Variants in GNAS-AS1 observed in about 807,000 individuals in gnomAD.
GNAS-AS1 encodes GNAS antisense RNA 1 (non-protein coding).
intron 4 of GNAS-AS1, among the ~76,000 whole-genome samples, chr20:58,821,571 A>T (rs2085487544): frequency 6.6e-6 from 1 of 152,210 alleles, no homozygotes; most frequent in Non-Finnish European, 1.5e-5. Flanking sequence ...TAAATCAGTA[A>T]GAGGAAGGGC....
rs544654298 is a variant in GNAS-AS1, at chr20:58,821,862, G to T, written n.820-2607C>A. On this transcript the variant is annotated intron_variant and non_coding_transcript_variant, in intron 4 of 4. Transcript: ENST00000424094. ...ACGGATTAACTCAGGGGCCGCCTGA[G>T]GCCCACAACAGCCCCAACAGAAACT... Among the ~76,000 whole-genome samples, 7 of 152,222 alleles carry T rather than the reference G, an allele frequency of 4.6e-5. No homozygotes were observed. In the South Asian group the frequency reaches 8.3e-4, roughly 18 times the overall value.
chr20:58,832,814 C>T (rs1282599260), intron 4 of GNAS-AS1, among the ~76,000 whole-genome samples: 1 of 152,232 alleles, frequency 6.6e-6, no homozygotes, highest in Non-Finnish European at 1.5e-5. Flanking sequence ...ATGAAGATTT[C>T]CTGACAGCAT....
At position 58,841,922 on chromosome 20, in the gene GNAS-AS1, A is replaced by G; in HGVS notation, n.819+15T>C. 1.6e-5 allele frequency: 19 copies of G among 1,212,314 alleles called. No individual in the cohort carries two copies. The highest frequency in any genetic ancestry group is 1.9e-5 in the Non-Finnish European group (18 of 970,244). The allele number at this position is 1,212,314 out of a possible 1,614,324, so 75.1% of individuals were successfully genotyped here. A position where few individuals can be genotyped will look rare whatever the true frequency, so the allele number is the denominator to read the frequency against. ...GCTGGAGACGGGGGTCGCGTCTAAC[A>G]TCAGGATAACTTACAATTCGTTTCC... On this transcript the variant is annotated intron_variant and non_coding_transcript_variant, in intron 4 of 4. Coordinates refer to ENST00000424094, the Ensembl canonical transcript of GNAS-AS1. The surrounding 1 kb of genome is among the most constrained non-coding windows in gnomAD (Gnocchi z 5.0).
intron 4 of GNAS-AS1, among the ~76,000 whole-genome samples, chr20:58,828,962 C>A (rs548569582): frequency 7.4e-6 from 1 of 134,824 alleles, no homozygotes; most frequent in Non-Finnish European, 1.6e-5. Context: ...CTGGCCCCAC[C>A]GCCCCACTCA....
chr20:58,850,084 A>G (rs2086097100), intron 1 of GNAS-AS1, among the ~76,000 whole-genome samples: 1 of 151,764 alleles, frequency 6.6e-6, no homozygotes, highest in Admixed American at 6.6e-5. Flanking sequence ...CATGTTTCCT[A>G]CCATTAAATC....
chr20:58,829,888 C>T (rs555244078), intron 4 of GNAS-AS1, among the ~76,000 whole-genome samples: 1 of 152,212 alleles, frequency 6.6e-6, no homozygotes, highest in African/African-American at 2.4e-5. Flanking sequence ...TCACTGCATG[C>T]ATTCACCATT....
chr20:58,847,366 G>A (rs1054373265), intron 2 of GNAS-AS1, among the ~76,000 whole-genome samples: 11 of 152,160 alleles, frequency 7.2e-5, no homozygotes, highest in Admixed American at 7.2e-4. Context: ...TCTGCAGATA[G>A]CAGTATGCTG....
chr20:58,819,060 T>C (rs952387819), exon 5 of GNAS-AS1: 6 of 398,520 alleles, frequency 1.5e-5, no homozygotes, highest in African/African-American at 2.1e-5. Context: ...AGAGATCAGC[T>C]CTTACCTCAA....
At chr20:58,822,403 G>A (rs769110223) in intron 4 of GNAS-AS1, among the ~76,000 whole-genome samples, 3 of 152,172 alleles carry the variant, frequency 2.0e-5, no homozygotes, top group Non-Finnish European at 2.9e-5. Flanking sequence ...GGGGGCGGCC[G>A]CACCCCAGCT....
At chr20:58,830,330 CCACCACCAT>C (rs2085550393) in intron 4 of GNAS-AS1, among the ~76,000 whole-genome samples, 2 of 128,590 alleles carry the variant, frequency 1.6e-5, no homozygotes, top group Admixed American at 7.6e-5. Context: ...ATCATCATCA[CCACCACCAT>C]CACCACCACA....
At chr20:58,829,248 T>C (rs2085539862) in intron 4 of GNAS-AS1, among the ~76,000 whole-genome samples, 1 of 152,194 alleles carries the variant, frequency 6.6e-6, no homozygotes, top group South Asian at 2.1e-4. Flanking sequence ...CTCTCCTAAA[T>C]AACTCTAAAA....
chr20:58,821,401 G>C (rs905025022), intron 4 of GNAS-AS1, among the ~76,000 whole-genome samples: 1 of 152,240 alleles, frequency 6.6e-6, no homozygotes, highest in Non-Finnish European at 1.5e-5. Flanking sequence ...GACCTCTGGA[G>C]CCTGACCAGC....
chr20:58,840,440 G>A lies in GNAS-AS1; in HGVS notation n.819+1497C>T, dbSNP rs201307445. On this transcript the variant is annotated intron_variant and non_coding_transcript_variant, in intron 4 of 4. Coordinates refer to ENST00000424094, the Ensembl canonical transcript of GNAS-AS1. This position sits in a 1 kb window ranked among gnomAD's most constrained non-coding sequence, Gnocchi z 6.0. ...CGAGGAAGAGTTCGACTACGAGACC[G>A]AGAGCGAGACCGAGTCCGAAATCGA... 1.9e-5 allele frequency: 31 copies of A among 1,613,440 alleles called. No individual in the cohort carries two copies. The East Asian group carries it at 5.6e-4, about 29-fold the overall frequency.
rs1009151713 is a variant in GNAS-AS1 at position 58,841,306 on chromosome 20, G to T, written n.819+631C>A. 13 of 1,059,872 alleles carry T rather than the reference G, an allele frequency of 1.2e-5. No homozygotes were observed. In the African/African-American group the frequency reaches 2.0e-4, roughly 16 times the overall value. The allele number at this position is 1,059,872 out of a possible 1,614,324, so 65.7% of individuals were successfully genotyped here. ...GGCCTTCTCAGGTGTCCAAAATGTG[G>T]TTCGGAGGTGCGCGCGCCAACTTTC... On this transcript the variant is annotated intron_variant and non_coding_transcript_variant, in intron 4 of 4. Coordinates refer to ENST00000424094, the Ensembl canonical transcript of GNAS-AS1. This position sits in a 1 kb window ranked among gnomAD's most constrained non-coding sequence, Gnocchi z 5.0.
At chr20:58,839,873 T>C in intron 4 of GNAS-AS1, 1 of 597,196 alleles carries the variant, frequency 1.7e-6, no homozygotes, top group Non-Finnish European at 3.0e-6. Context: ...TTTTTTCCCA[T>C]CCCTTCTTCT....
At chr20:58,832,597 T>C (rs1568901572) in intron 4 of GNAS-AS1, among the ~76,000 whole-genome samples, 1 of 152,222 alleles carries the variant, frequency 6.6e-6, no homozygotes, top group African/African-American at 2.4e-5. Flanking sequence ...GCAGTCACGC[T>C]AAGATACTGG....
rs1350943150 is a variant in GNAS-AS1, at chr20:58,841,919, A to G, written n.819+18T>C. Reference sequence around the variant, plus strand: ...CAGGCTGGAGACGGGGGTCGCGTCTAACATCAGGATAACTTACAATTCGTT... The same window carrying G: ...CAGGCTGGAGACGGGGGTCGCGTCTGACATCAGGATAACTTACAATTCGTT... On this transcript the variant is annotated intron_variant and non_coding_transcript_variant, in intron 4 of 4. Transcript: ENST00000424094. This position sits in a 1 kb window ranked among gnomAD's most constrained non-coding sequence, Gnocchi z 5.0. 1 of 1,213,688 alleles carries G rather than the reference A, an allele frequency of 8.2e-7. No individual in the cohort carries two copies. The highest frequency in any genetic ancestry group is 1.0e-6 in the Non-Finnish European group (1 of 971,648). The allele number at this position is 1,213,688 out of a possible 1,614,324, so 75.2% of individuals were successfully genotyped here.
At chr20:58,846,066 A>G (rs1156688337) in intron 2 of GNAS-AS1, among the ~76,000 whole-genome samples, 1 of 152,178 alleles carries the variant, frequency 6.6e-6, no homozygotes, top group Non-Finnish European at 1.5e-5. Flanking sequence ...AAGTGGGGAG[A>G]GATTTAAGGA....
intron 4 of GNAS-AS1, chr20:58,826,838 T>C (rs2085523763): frequency 6.8e-6 from 1 of 148,098 alleles, no homozygotes; most frequent in Non-Finnish European, 1.5e-5. Flanking sequence ...TAGCTGGGAC[T>C]ACAGGCGCGC....
Sources: allele counts gnomAD v4.1 joint callset (sites outside exome capture counted in the v4.1 genomes callset), GRCh38; gene constraint gnomAD v4.1.1; non-coding constraint Gnocchi (gnomAD v3.1); transcripts MANE v1.5; gene names NCBI Gene and HGNC (gene_info 2026-07-23, HGNC 2026-07-21).